CFAP73: variants seen among roughly 807,000 people sequenced by gnomAD.
CFAP73 encodes the protein cilia and flagella associated protein 73, also known as cilia- and flagella-associated protein 73.
A neutral mutation model predicts 42.9 loss-of-function variants in CFAP73; 33 were observed. The ratio of observed to expected loss-of-function variants is 0.77; its 90% confidence interval spans 0.58 to 1.03. CFAP73 has a LOEUF of 1.03. CFAP73 is among the 50% of genes least tolerant of loss of function. The pLI, the probability that CFAP73 is intolerant of heterozygous loss-of-function variation, is 0.00. For missense variants in CFAP73, 392 were observed against 411.9 expected, an observed-to-expected ratio of 0.95 and a Z score of 0.42; for synonymous variants, 162 against 186.8, an observed-to-expected ratio of 0.87 and a Z score of 1.08.
rs1378433652 is a variant in CFAP73 at position 113,158,150 on chromosome 12, C to T, written c.*11+460C>T. 1 of 168,322 alleles carries T rather than the reference C, an allele frequency of 5.9e-6. No homozygotes were observed. Among genetic ancestry groups the T allele is most frequent in the Non-Finnish European group, 1.3e-5 (1 of 77,106 alleles). 10.4% of individuals were successfully genotyped at this position (168,322 alleles called of 1,614,324 possible). A position where few individuals can be genotyped will look rare whatever the true frequency, so the allele number is the denominator to read the frequency against. On this transcript the variant is annotated intron_variant, in intron 7 of 7. Coordinates refer to ENST00000335621, the MANE Select transcript of CFAP73 (RefSeq NM_001144872.3). The surrounding 1 kb of genome is among the most constrained non-coding windows in gnomAD (Gnocchi z 4.9). ...AAACAGGGGGTGGGTGGCAAGAAGA[C>T]AGAGGACAGGCCAGGTTCTGACCTC...
rs1429676469 is a variant in CFAP73 at position 113,155,266 on chromosome 12, A to G, written c.697A>G (p.Lys233Glu). 1.3e-6 allele frequency: 2 copies of G among 1,531,292 alleles called. No individual in the cohort carries two copies. The highest frequency in any genetic ancestry group is 1.8e-6 in the Non-Finnish European group (2 of 1,130,878). The allele number at this position is 1,531,292 out of a possible 1,614,324, so 94.9% of individuals were successfully genotyped here. A position where few individuals can be genotyped will look rare whatever the true frequency, so the allele number is the denominator to read the frequency against. ...ARERTLQWES[K>E]WIQIQNTAAE... ...TGGGGCGGGTGTTCTCCAGGAATCC[A>G]AGTGGATTCAGATTCAGAACACAGC... Residue 233 changes from lysine (K) to glutamate (E), a missense_variant, in exon 6 of 8, where the codon AAG becomes GAG. Coordinates refer to ENST00000335621, the MANE Select transcript of CFAP73 (RefSeq NM_001144872.3).
At chr12:113,155,756 G>A (rs1952116890) in intron 6 of CFAP73, among the ~76,000 whole-genome samples, 1 of 152,042 alleles carries the variant, frequency 6.6e-6, no homozygotes, top group Non-Finnish European at 1.5e-5. Context: ...TTTCTCACAG[G>A]ATCCAACAGC....
chr12:113,154,466 AGGC>A lies in CFAP73; in HGVS notation c.526_528del (p.Ala176del). The stretch of plus-strand genomic sequence containing the variant: ...CGCTTCGACGGCCTGGCCGAGACGC[AGGC>A]GGCGCTGAGGCTCAGGGAGCGCGAG... On this transcript the variant is annotated inframe_deletion, in exon 5 of 8. Coordinates refer to ENST00000335621, the MANE Select transcript of CFAP73 (RefSeq NM_001144872.3). The surrounding 1 kb of genome is among the most constrained non-coding windows in gnomAD (Gnocchi z 4.7). 2 of 1,545,962 alleles carry A rather than the reference AGGC, an allele frequency of 1.3e-6. No homozygotes were observed. Among genetic ancestry groups the A allele is most frequent in the Non-Finnish European group, 1.7e-6 (2 of 1,145,538 alleles).
At chr12:113,151,231 C>G (rs940547150) in intron 1 of CFAP73, among the ~76,000 whole-genome samples, 1 of 152,096 alleles carries the variant, frequency 6.6e-6, no homozygotes, top group African/African-American at 2.4e-5. Context: ...CCTGTAATCC[C>G]GGCACTTTGG....
In CFAP73 at chr12:113,154,374, T is replaced by C. The variant is rs1207758546; in HGVS notation, c.469-40T>C. ...AGGTGGGATGGAGAGGGTAAGGCAC[T>C]GCAGGCCCATGTGAGTCCCTTCCCC... is the stretch of plus-strand genomic sequence containing the variant. On this transcript the variant is annotated intron_variant, in intron 4 of 7. Transcript: ENST00000335621. This position sits in a 1 kb window ranked among gnomAD's most constrained non-coding sequence, Gnocchi z 4.7. 1.3e-6 allele frequency: 2 copies of C among 1,546,578 alleles called. No individual in the cohort carries two copies. Among genetic ancestry groups the C allele is most frequent in the Admixed American group, 3.9e-5 (2 of 50,916 alleles).
intron 6 of CFAP73, 149 bp downstream of exon 6, chr12:113,155,567 C>A: frequency 1.2e-6 from 1 of 836,302 alleles, no homozygotes; most frequent in Non-Finnish European, 1.7e-6. Flanking sequence ...GCTCGATTGT[C>A]GGGCAGGCAC....
rs1952094876 is a variant in CFAP73, at chr12:113,154,280, A to T, written c.469-134A>T. ...GTGACAGAGCGAGACCTTGTCTCTA[A>T]CAAATGGAGGTTGACATTTAAGTCA... On this transcript the variant is annotated intron_variant, in intron 4 of 7. Coordinates refer to ENST00000335621, the MANE Select transcript of CFAP73 (RefSeq NM_001144872.3). This position sits in a 1 kb window ranked among gnomAD's most constrained non-coding sequence, Gnocchi z 4.7. 2.7e-6 allele frequency: 3 copies of T among 1,122,404 alleles called. No individual in the cohort carries two copies. The highest frequency in any genetic ancestry group is 1.3e-6 in the Non-Finnish European group (1 of 784,590). The allele number at this position is 1,122,404 out of a possible 1,614,324, so 69.5% of individuals were successfully genotyped here.
At chr12:113,152,939 C>G (rs1420713569) in intron 3 of CFAP73, 52 bp downstream of exon 3, 2 of 1,256,638 alleles carry the variant, frequency 1.6e-6, no homozygotes, top group East Asian at 2.5e-5. Context: ...GCAGCCCACA[C>G]TCCTATAGGG....
intron 7 of CFAP73, chr12:113,157,960 G>A (rs1952154196): frequency 4.2e-6 from 2 of 479,090 alleles, no homozygotes; most frequent in Non-Finnish European, 7.5e-6. Flanking sequence ...GGCCCTCCCT[G>A]CCAGGGTGGT....
rs1388009928 is a variant in CFAP73, at chr12:113,152,869, C to G, written c.249C>G (p.Arg83=). The part of the protein sequence containing the change: ...KERELKGSFI[R]FDKFLQDSEA... The stretch of plus-strand genomic sequence containing the variant: ...GGGAGCTAAAGGGATCGTTCATCCG[C>G]TTTGACAAGTTTTTGCAGGTAGGTG... The change falls in exon 3 of 8, where the codon CGC becomes CGG. Residue 83 remains arginine (R), a synonymous_variant. Transcript: ENST00000335621. 27 of 1,551,390 alleles carry G rather than the reference C, an allele frequency of 1.7e-5. No individual in the cohort carries two copies. Among genetic ancestry groups the G allele is most frequent in the Non-Finnish European group, 2.1e-5 (24 of 1,146,852 alleles).
In CFAP73 at chr12:113,153,308, T is replaced by A. The variant is rs1952083637; in HGVS notation, c.368T>A (p.Leu123His). The change falls in exon 4 of 8, where the codon CTC becomes CAC. Residue 123 changes from leucine to histidine, a missense_variant. By Grantham distance (99) the Leu-to-His change is moderately conservative. Transcript: ENST00000335621. ...GAGGCGCTGCGTCTGTGGACCCAGC[T>A]CCAGGAGCTACGGCGGGAACACGCG... Reference protein sequence around the residue: ...EVEALRLWTQLQELRREHARL... With the variant: ...EVEALRLWTQHQELRREHARL... 4 of 1,518,828 alleles carry A rather than the reference T, an allele frequency of 2.6e-6. No individual in the cohort carries two copies. Among genetic ancestry groups the A allele is most frequent in the Non-Finnish European group, 3.5e-6 (4 of 1,137,834 alleles). The allele number at this position is 1,518,828 out of a possible 1,614,324, so 94.1% of individuals were successfully genotyped here. A position where few individuals can be genotyped will look rare whatever the true frequency, so the allele number is the denominator to read the frequency against.
chr12:113,155,713 C>T (rs1035234369), intron 6 of CFAP73, among the ~76,000 whole-genome samples: 2 of 152,128 alleles, frequency 1.3e-5, no homozygotes, highest in Non-Finnish European at 2.9e-5. Context: ...CCTCCCTCTA[C>T]CAGGAAGGCC....
At chr12:113,157,711 C>G in intron 7 of CFAP73, 21 bp downstream of exon 7, 1 of 1,523,772 alleles carries the variant, frequency 6.6e-7, no homozygotes, top group Non-Finnish European at 8.9e-7. Context: ...GGAGAGGGAA[C>G]CCCTGAGAGA....
At chr12:113,153,457 G>A (rs1476113620) in intron 4 of CFAP73, 49 bp downstream of exon 4, 10 of 1,352,694 alleles carry the variant, frequency 7.4e-6, no homozygotes, top group Non-Finnish European at 9.5e-6. Context: ...GCGTGGCGCT[G>A]AGTGGCTCAG....
In CFAP73 at chr12:113,155,248, G is replaced by A; in HGVS notation, c.691-12G>A. The stretch of plus-strand genomic sequence containing the variant: ...AGTTGCCATAATTGGGAGTGGGGCG[G>A]GTGTTCTCCAGGAATCCAAGTGGAT... On this transcript the variant is annotated splice_polypyrimidine_tract_variant and intron_variant, in intron 5 of 7. Transcript: ENST00000335621. 6.6e-7 allele frequency: 1 copy of A among 1,519,794 alleles called. No homozygotes were observed. The highest frequency in any genetic ancestry group is 1.2e-5 in the South Asian group (1 of 81,932). 94.1% of individuals were successfully genotyped at this position (1,519,794 alleles called of 1,614,324 possible).
Position 113,158,837 on chromosome 12 carries a change from C to T in CFAP73, c.*148C>T. On this transcript the variant is annotated 3_prime_UTR_variant, in exon 8 of 8. Transcript: ENST00000335621. The surrounding 1 kb of genome is among the most constrained non-coding windows in gnomAD (Gnocchi z 4.9). ...ACGGGAACGTCTGCTGATGCCCACCCTAAGGCCAATCAAGGAGCCACGGGG... is the reference window on the plus strand; with the variant it reads ...ACGGGAACGTCTGCTGATGCCCACCTTAAGGCCAATCAAGGAGCCACGGGG... The T allele has an allele frequency of 1.3e-6, 2 of 1,554,904 alleles. No individual in the cohort carries two copies. The highest frequency in any genetic ancestry group is 1.7e-6 in the Non-Finnish European group (2 of 1,145,070).
Position 113,149,897 on chromosome 12 carries a change from C to A in CFAP73, c.40C>A (p.Gln14Lys). The A allele has an allele frequency of 6.4e-7, 1 of 1,550,804 alleles. No individual in the cohort carries two copies. The highest frequency in any genetic ancestry group is 8.7e-7 in the Non-Finnish European group (1 of 1,146,486). ...PWEEYFRLALQEKLSTKLPEQ... is the reference protein window; with the variant it reads ...PWEEYFRLALKEKLSTKLPEQ... The stretch of plus-strand genomic sequence containing the variant: ...GGAGGAATATTTCCGACTGGCTTTG[C>A]AAGAGAAACTGTCTACGTGAGTGGG... The change falls in exon 1 of 8, where the codon CAA (glutamine) becomes AAA (lysine). Residue 14 changes from glutamine (Q) to lysine (K), a missense_variant. Coordinates refer to ENST00000335621, the MANE Select transcript of CFAP73 (RefSeq NM_001144872.3).
intron 5 of CFAP73, 79 bp from the exon 6 acceptor site, chr12:113,155,181 A>T: frequency 1.5e-6 from 2 of 1,341,270 alleles, no homozygotes; most frequent in Non-Finnish European, 2.0e-6. Context: ...AAAAGAAAAA[A>T]AAAAAAAGTG....
chr12:113,157,691 G>A lies in CFAP73; in HGVS notation c.*11+1G>A. The A allele has an allele frequency of 6.4e-7, 1 of 1,550,560 alleles. No homozygotes were observed. Reference sequence around the variant, plus strand: ...CCCCTGCCTCCTAGCCCTGACACAGGTGAGCAGCGGGAGAGGGAACCCCTG... The same window carrying A: ...CCCCTGCCTCCTAGCCCTGACACAGATGAGCAGCGGGAGAGGGAACCCCTG... On this transcript the variant is annotated splice_donor_variant, in intron 7 of 7. Transcript: ENST00000335621. LOFTEE classifies it low-confidence loss of function (3UTR_SPLICE).
Sources: allele counts gnomAD v4.1 joint callset (sites outside exome capture counted in the v4.1 genomes callset), GRCh38; gene constraint gnomAD v4.1.1; non-coding constraint Gnocchi (gnomAD v3.1); transcripts MANE v1.5; gene names NCBI Gene and HGNC (gene_info 2026-07-23, HGNC 2026-07-21).